Variants in DLG2 observed in about 807,000 individuals in gnomAD.
The protein encoded by DLG2 is discs large MAGUK scaffold protein 2, also known as disks large homolog 2.
Under a neutral mutation model 132.5 loss-of-function variants are expected in DLG2, and 45 were observed. That is an observed-to-expected ratio of 0.34 (90% CI 0.27 to 0.44). The LOEUF is 0.44. Ranked by LOEUF, DLG2 falls within the 20% of genes least tolerant of loss-of-function variation. The pLI is 1.00. For synonymous variants in DLG2, 424 were observed against 419.6 expected (o/e 1.01, Z -0.13); for missense variants, 1,045 against 1,196.9 (o/e 0.87, Z 1.87).
intron 7 of DLG2, among the ~76,000 whole-genome samples, chr11:84,355,755 T>C (rs996241466): frequency 7.2e-5 from 11 of 152,150 alleles, no homozygotes; most frequent in Middle Eastern, 3.4e-3. Context: ...CACTAAAGAT[T>C]TGAAGTAAAT....
At chr11:85,533,669 T>C (rs2075372505) in intron 3 of DLG2, among the ~76,000 whole-genome samples, 1 of 152,094 alleles carries the variant, frequency 6.6e-6, no homozygotes, top group Admixed American at 6.5e-5. Context: ...TATACACATA[T>C]ATATCCCACA....
At chr11:84,218,237 A>AAAGG (rs200076539) in intron 8 of DLG2, among the ~76,000 whole-genome samples, 105 of 148,148 alleles carry the variant, frequency 7.1e-4, no homozygotes, top group African/African-American at 1.8e-3. Context: ...GGAAGGAAGG[A>AAAGG]AAGGAAGGAA....
At chr11:83,609,650 C>T (rs1477878088) in intron 19 of DLG2, among the ~76,000 whole-genome samples, 1 of 152,132 alleles carries the variant, frequency 6.6e-6, no homozygotes, top group Non-Finnish European at 1.5e-5. Flanking sequence ...CCTCCCTTCT[C>T]CCCACTCTCA....
At chr11:84,009,241 T>C (rs1005869336) in intron 11 of DLG2, among the ~76,000 whole-genome samples, 3 of 151,976 alleles carry the variant, frequency 2.0e-5, no homozygotes, top group African/African-American at 4.8e-5. Flanking sequence ...TGTTAAGATA[T>C]AAATCCCTCT....
At chr11:83,672,155 T>TCCC (rs1441067406) in intron 18 of DLG2, among the ~76,000 whole-genome samples, 1 of 151,838 alleles carries the variant, frequency 6.6e-6, no homozygotes, top group African/African-American at 2.4e-5. Flanking sequence ...TTCCTTTCCT[T>TCCC]CCCTTCCTTC....
chr11:84,031,487 A>G (rs1259330305), intron 11 of DLG2, among the ~76,000 whole-genome samples: 1 of 152,190 alleles, frequency 6.6e-6, no homozygotes, highest in Non-Finnish European at 1.5e-5. Flanking sequence ...GGGATGAATT[A>G]ATTCCTAGAG....
chr11:83,689,089 C>T (rs559014481), intron 18 of DLG2, among the ~76,000 whole-genome samples: 5 of 152,140 alleles, frequency 3.3e-5, no homozygotes, highest in Non-Finnish European at 7.4e-5. Context: ...GCTAACTACA[C>T]AGCTGCATAG....
intron 4 of DLG2, among the ~76,000 whole-genome samples, chr11:85,195,825 C>T (rs551916073): frequency 9.9e-5 from 15 of 152,040 alleles, no homozygotes; most frequent in Non-Finnish European, 1.5e-4. Flanking sequence ...CGCGCCCGGC[C>T]GACAGTGTTT....
In DLG2 at chr11:85,467,028, C is replaced by T. The variant is rs906527758; in HGVS notation, c.40+131629G>A. On this transcript the variant is annotated intron_variant, in intron 3 of 27. Transcript: ENST00000376104. ...TTCTCCTTGAAGAGGTCCTTCAAATCCCTTGTAAGTTGGATTCCTAGGTAT... is the reference window on the plus strand; with the variant it reads ...TTCTCCTTGAAGAGGTCCTTCAAATTCCTTGTAAGTTGGATTCCTAGGTAT... 3.9e-5 allele frequency among the ~76,000 whole-genome samples: 6 copies of T among 152,244 alleles called. No homozygotes were observed. In the East Asian group the frequency reaches 7.7e-4, roughly 20 times the overall value.
chr11:83,518,697 A>G (rs1020779511), intron 21 of DLG2, among the ~76,000 whole-genome samples: 1 of 152,170 alleles, frequency 6.6e-6, no homozygotes. Context: ...TGAATTATAT[A>G]TCCCAAAGAA....
chr11:84,169,616 T>C (rs1195270841), intron 8 of DLG2, among the ~76,000 whole-genome samples: 1 of 152,164 alleles, frequency 6.6e-6, no homozygotes, highest in African/African-American at 2.4e-5. Flanking sequence ...CTCACCCCTA[T>C]AATCTCAGCA....
At position 84,458,242 on chromosome 11, in the gene DLG2, T is replaced by C. The variant is rs185567221; in HGVS notation, c.519+76328A>G. Among the ~76,000 whole-genome samples, 41 of 151,026 alleles carry C rather than the reference T, an allele frequency of 2.7e-4. No homozygotes were observed. In the East Asian group the frequency reaches 6.8e-3, roughly 25 times the overall value. Reference sequence around the variant, plus strand: ...AAACAATACTGTGATAAAATAAGTATACAAAATGCTGATTTGGTTTCCTGA... The same window carrying C: ...AAACAATACTGTGATAAAATAAGTACACAAAATGCTGATTTGGTTTCCTGA... On this transcript the variant is annotated intron_variant, in intron 7 of 27. Coordinates refer to ENST00000376104, the MANE Select transcript of DLG2 (RefSeq NM_001142699.3).
chr11:84,283,054 G>A, intron 7 of DLG2, among the ~76,000 whole-genome samples: 1 of 152,156 alleles, frequency 6.6e-6, no homozygotes, highest in East Asian at 1.9e-4. Flanking sequence ...CTGTGATAGA[G>A]TAAACTCTCT....
intron 18 of DLG2, among the ~76,000 whole-genome samples, chr11:83,652,205 A>G (rs2153520773): frequency 6.6e-6 from 1 of 152,292 alleles, no homozygotes; most frequent in East Asian, 1.9e-4. Flanking sequence ...GCGACTGTAG[A>G]TCATGCAGGA....
chr11:85,033,432 T>TA (rs1287573665), intron 6 of DLG2, among the ~76,000 whole-genome samples: 3 of 147,250 alleles, frequency 2.0e-5, no homozygotes, highest in Non-Finnish European at 1.5e-5. Context: ...CTGGTAAGGA[T>TA]AAAAAAATAG....
chr11:85,078,125 G>A (rs1455913018), intron 6 of DLG2, among the ~76,000 whole-genome samples: 2 of 150,844 alleles, frequency 1.3e-5, no homozygotes, highest in Non-Finnish European at 2.9e-5. Flanking sequence ...AAAAAACCGT[G>A]CAAAACAATA....
chr11:83,471,585 C>G, intron 24 of DLG2, 41 bp downstream of exon 24: 1 of 1,422,070 alleles, frequency 7.0e-7, no homozygotes, highest in Non-Finnish European at 9.9e-7. Flanking sequence ...GAAATCCAAG[C>G]TCTTTTTGTT....
chr11:84,277,979 G>A lies in DLG2; in HGVS notation c.520-26688C>T, dbSNP rs562477185. Among the ~76,000 whole-genome samples the A allele has an allele frequency of 2.0e-5, 3 of 150,870 alleles. No homozygotes were observed. The South Asian group carries it at 6.3e-4, about 32-fold the overall frequency. ...TATGATCATGGCTCACTGAAGACTT[G>A]AAATCCTGGCTTCAGGCAGTCCTCT... On this transcript the variant is annotated intron_variant, in intron 7 of 27. Coordinates refer to ENST00000376104, the MANE Select transcript of DLG2 (RefSeq NM_001142699.3).
intron 17 of DLG2, among the ~76,000 whole-genome samples, chr11:83,830,110 C>T (rs1379028238): frequency 6.6e-6 from 1 of 152,156 alleles, no homozygotes; most frequent in African/African-American, 2.4e-5. Context: ...AAAATGTTCC[C>T]TCTTCTTTCT....
Sources: allele counts gnomAD v4.1 joint callset (sites outside exome capture counted in the v4.1 genomes callset), GRCh38; gene constraint gnomAD v4.1.1; transcripts MANE v1.5; gene names NCBI Gene and HGNC (gene_info 2026-07-23, HGNC 2026-07-21).